The following TRMT11 variants were observed in gnomAD, a reference collection of about 807,000 sequenced individuals.
TRMT11 encodes the protein tRNA methyltransferase 11, also known as tRNA (guanine(10)-N(2))-methyltransferase TRMT11.
TRMT11 carries 53 observed loss-of-function variants against 62.8 expected under a neutral mutation model. That is an observed-to-expected ratio of 0.84 (90% CI 0.68 to 1.06). The LOEUF is 1.06. Among genes scored for constraint, TRMT11 ranks in the 50% least tolerant of loss-of-function variants. TRMT11 has a pLI of 0.00. For missense variants in TRMT11, 556 were observed against 553.4 expected (o/e 1.00, Z -0.05); for synonymous variants, 188 against 190.3 (o/e 0.99, Z 0.10).
Position 126,092,545 on chromosome 6 carries a change from A to G in TRMT11, c.*1438-20321A>G, listed in dbSNP as rs2128169030. On this transcript the variant is annotated intron_variant and NMD_transcript_variant, in intron 17 of 22. Coordinates refer to the TRMT11 transcript ENST00000648977. Reference sequence around the variant, plus strand: ...ACACGTGGGAATTATGGGAGCTACAATTCAAGATGAGATTTGGGTTTGAGT... The same window carrying G: ...ACACGTGGGAATTATGGGAGCTACAGTTCAAGATGAGATTTGGGTTTGAGT... Among the ~76,000 whole-genome samples the G allele has an allele frequency of 2.0e-5, 3 of 152,306 alleles. 1 individual carries two copies. The South Asian group carries it at 6.2e-4, about 32-fold the overall frequency.
intron 17 of TRMT11, among the ~76,000 whole-genome samples, chr6:126,065,766 T>A (rs1449315231): frequency 6.6e-6 from 1 of 152,244 alleles, no homozygotes; most frequent in East Asian, 1.9e-4. Context: ...TTTAGCTGTA[T>A]ACTCTTGGGC....
At chr6:126,014,997 T>C (rs1414283333) in intron 11 of TRMT11, among the ~76,000 whole-genome samples, 2 of 152,128 alleles carry the variant, frequency 1.3e-5, no homozygotes, top group Non-Finnish European at 1.5e-5. Flanking sequence ...GTTCATGTCT[T>C]TGTAAAAAGG....
At chr6:126,251,012 GTTTTTTTTTTTTAATTTTCAAT>G in the TRMT11 span, among the ~76,000 whole-genome samples, 1 of 132,294 alleles carries the variant, frequency 7.6e-6, no homozygotes, top group Non-Finnish European at 1.7e-5. Context: ...ATCCCAATTT[GTTTTTTTTTTTTAATTTTCAAT>G]TTTTTTTTTT....
intron 21 of TRMT11, among the ~76,000 whole-genome samples, chr6:126,165,108 C>G (rs534102362): frequency 6.6e-6 from 1 of 152,060 alleles, no homozygotes; most frequent in African/African-American, 2.4e-5. Flanking sequence ...GAAACCCCGT[C>G]TCTACTAAAA....
At chr6:126,093,581 G>GTATATATATATATATATA (rs1562321267) in intron 17 of TRMT11, among the ~76,000 whole-genome samples, 2 of 37,070 alleles carry the variant, frequency 5.4e-5, no homozygotes, top group Non-Finnish European at 5.5e-5. Flanking sequence ...AACAGGATAT[G>GTATATATATATATATATA]TATGTATATA....
downstream of TRMT11, among the ~76,000 whole-genome samples, chr6:126,207,005 T>C (rs912078223): frequency 6.6e-5 from 10 of 152,242 alleles, no homozygotes; most frequent in African/African-American, 2.4e-4. Context: ...AAGTTAACTC[T>C]TACATTCATG....
intron 7 of TRMT11, among the ~76,000 whole-genome samples, chr6:126,000,345 C>T (rs574113284): frequency 1.5e-3 from 232 of 152,196 alleles, no homozygotes; most frequent in African/African-American, 5.3e-3. Context: ...TGGAGCCTGT[C>T]CCTGTAGCCA....
At chr6:126,071,230 G>A (rs1295929252) in intron 17 of TRMT11, among the ~76,000 whole-genome samples, 9 of 150,036 alleles carry the variant, frequency 6.0e-5, no homozygotes, top group South Asian at 2.1e-4. Flanking sequence ...TGGGGGGGTG[G>A]GGGTGCTTCT....
intron 21 of TRMT11, among the ~76,000 whole-genome samples, chr6:126,142,643 T>C (rs1777929358): frequency 6.6e-6 from 1 of 152,126 alleles, no homozygotes; most frequent in Non-Finnish European, 1.5e-5. Context: ...AATGATAATA[T>C]TAATCTCATC....
chr6:126,223,915 C>T, the TRMT11 span, among the ~76,000 whole-genome samples: 1 of 152,110 alleles, frequency 6.6e-6, no homozygotes, highest in Non-Finnish European at 1.5e-5. Flanking sequence ...AAATTCTTTC[C>T]TCAGCTTTGT....
At chr6:126,085,428 T>G (rs1428118315) in intron 17 of TRMT11, among the ~76,000 whole-genome samples, 2 of 152,190 alleles carry the variant, frequency 1.3e-5, no homozygotes, top group Non-Finnish European at 2.9e-5. Flanking sequence ...CATTTTCTTT[T>G]GGTCTCTTGC....
In TRMT11 at chr6:126,077,633, A is replaced by G. The variant is rs1777057388; in HGVS notation, c.*1437+24443A>G. Among the ~76,000 whole-genome samples, 3 of 152,196 alleles carry G rather than the reference A, an allele frequency of 2.0e-5. No individual in the cohort carries two copies. The South Asian group carries it at 6.2e-4, about 31-fold the overall frequency. Reference sequence around the variant, plus strand: ...ATGAGCCACCACGCCCAGACAATTTATAATCCTAGTGATCATGTTAGAACA... The same window carrying G: ...ATGAGCCACCACGCCCAGACAATTTGTAATCCTAGTGATCATGTTAGAACA... On this transcript the variant is annotated intron_variant and NMD_transcript_variant, in intron 17 of 22. Coordinates refer to the TRMT11 transcript ENST00000648977.
intron 21 of TRMT11, among the ~76,000 whole-genome samples, chr6:126,149,476 C>G (rs552331882): frequency 6.6e-6 from 1 of 152,264 alleles, no homozygotes; most frequent in African/African-American, 2.4e-5. Flanking sequence ...TACAATCACC[C>G]TCTGAAGTAT....
downstream of TRMT11, among the ~76,000 whole-genome samples, chr6:126,202,523 A>G (rs1270555706): frequency 6.6e-6 from 1 of 152,212 alleles, no homozygotes; most frequent in Non-Finnish European, 1.5e-5. Flanking sequence ...ATACATTTCC[A>G]TAGAAACCAA....
chr6:126,227,966 G>A, the TRMT11 span, among the ~76,000 whole-genome samples: 1 of 152,206 alleles, frequency 6.6e-6, no homozygotes, highest in Non-Finnish European at 1.5e-5. Context: ...GGGCACAGGT[G>A]GGAGAGGAGG....
chr6:126,211,832 A>G, the TRMT11 span, among the ~76,000 whole-genome samples: 4 of 152,088 alleles, frequency 2.6e-5, no homozygotes, highest in Admixed American at 1.3e-4. Context: ...ATTATTATTG[A>G]TTACAGTTTC....
chr6:125,987,996 G>A lies in TRMT11; in HGVS notation c.72+1374G>A, dbSNP rs77447587. Among the ~76,000 whole-genome samples, 1,512 of 152,252 alleles carry A rather than the reference G, an allele frequency of 9.9e-3. 27 individuals carry two copies. Among genetic ancestry groups the A allele is most frequent in the African/African-American group, 0.034 (1,399 of 41,542 alleles). ...GGGAAGAAATTACTCAAAGGATAAG[G>A]TCAAAAGAGTAGCGGGCCAAGTATA... is the stretch of plus-strand genomic sequence containing the variant. On this transcript the variant is annotated intron_variant, in intron 1 of 12. Transcript: ENST00000334379.
chr6:126,243,674 T>C, the TRMT11 span, among the ~76,000 whole-genome samples: 67 of 152,156 alleles, frequency 4.4e-4, no homozygotes, highest in Non-Finnish European at 7.6e-4. Context: ...CTCAGCAAAC[T>C]ATCCCAAGGA....
At chr6:126,083,787 A>T (rs916707310) in intron 17 of TRMT11, among the ~76,000 whole-genome samples, 1 of 152,092 alleles carries the variant, frequency 6.6e-6, no homozygotes, top group Non-Finnish European at 1.5e-5. Flanking sequence ...CTTCCCTCCC[A>T]ATCACTGGTA....
Sources: gnomAD v4.1 joint callset for allele counts (sites outside exome capture counted in the v4.1 genomes callset) on GRCh38, gnomAD v4.1.1 for gene constraint, MANE v1.5 for transcripts, NCBI Gene and HGNC (gene_info 2026-07-23, HGNC 2026-07-21) for gene names.